The following TEX11 variants were observed in gnomAD, a reference collection of about 807,000 sequenced individuals.
TEX11 encodes the protein testis expressed 11.
Under a neutral mutation model 84.4 loss-of-function variants are expected in TEX11, and 7 were observed. That is an observed-to-expected ratio of 0.08 (90% confidence interval 0.05 to 0.16). TEX11 has a LOEUF of 0.16. Among genes scored for constraint, TEX11 ranks in the 10% least tolerant of loss-of-function variants. The pLI is 1.00. For missense variants in TEX11, 551 were observed against 660.5 expected (o/e 0.83, Z 1.82); for synonymous variants, 264 against 222.8 (o/e 1.18, Z -1.64).
chrX:70,772,769 A>G (rs775785396), intron 9 of TEX11, among the ~76,000 whole-genome samples: 2 of 110,821 alleles, frequency 1.8e-5, no homozygotes, highest in South Asian at 7.7e-4. Context: ...TATAAGCAAA[A>G]TAAGAAGAGG....
At chrX:70,818,250 C>A (rs1353082854) in intron 8 of TEX11, among the ~76,000 whole-genome samples, 2 of 109,305 alleles carry the variant, frequency 1.8e-5, no homozygotes, top group Non-Finnish European at 1.9e-5. Context: ...TGCAGTGAGC[C>A]GCTTTTGCAC....
At chrX:70,895,759 C>T (rs1171559084) in intron 2 of TEX11, among the ~76,000 whole-genome samples, 2 of 111,912 alleles carry the variant, frequency 1.8e-5, no homozygotes, top group African/African-American at 6.5e-5. Flanking sequence ...TTGACAAAAG[C>T]AAGCAATGGG....
chrX:70,785,313 AC>A (rs1367740925), intron 9 of TEX11, among the ~76,000 whole-genome samples: 1 of 112,220 alleles, frequency 8.9e-6, no homozygotes, highest in Admixed American at 9.5e-5. Context: ...TACAGCTTAT[AC>A]AAAAATTAAT....
At chrX:70,762,410 AG>A (rs985465017) in intron 9 of TEX11, among the ~76,000 whole-genome samples, 1 of 111,602 alleles carries the variant, frequency 9.0e-6, no homozygotes, top group Non-Finnish European at 1.9e-5. Context: ...GTTTAAAAGC[AG>A]GGGGTCGAAG....
chrX:70,532,737 G>A (rs2087904607), intron 28 of TEX11, among the ~76,000 whole-genome samples: 3 of 104,092 alleles, frequency 2.9e-5, no homozygotes, highest in South Asian at 4.4e-4. Context: ...TCCAAACTCC[G>A]TCTCAAAAAA....
intron 9 of TEX11, among the ~76,000 whole-genome samples, chrX:70,777,051 T>C (rs904791023): frequency 9.3e-6 from 1 of 107,881 alleles, no homozygotes; most frequent in East Asian, 2.9e-4. Context: ...ATTATTATTT[T>C]TTTTTTTGTA....
chrX:70,582,216 T>C (rs1569339716), intron 25 of TEX11, among the ~76,000 whole-genome samples: 2 of 111,917 alleles, frequency 1.8e-5, no homozygotes, highest in Non-Finnish European at 3.8e-5. Context: ...ACTATCTGCT[T>C]CTGCATTCAA....
At chrX:70,700,641 A>G (rs1045413445) in intron 13 of TEX11, among the ~76,000 whole-genome samples, 3 of 111,497 alleles carry the variant, frequency 2.7e-5, no homozygotes, top group Non-Finnish European at 5.6e-5. Flanking sequence ...TAAGTGTTCA[A>G]GTACAAGGAA....
intron 13 of TEX11, among the ~76,000 whole-genome samples, chrX:70,720,164 T>C (rs1199750298): frequency 1.8e-5 from 2 of 111,906 alleles, no homozygotes; most frequent in African/African-American, 6.5e-5. Context: ...ATGTGGCATA[T>C]ATACACCATG....
At chrX:70,827,939 G>A (rs1282504241) in intron 8 of TEX11, among the ~76,000 whole-genome samples, 9 of 111,657 alleles carry the variant, frequency 8.1e-5, no homozygotes, top group Non-Finnish European at 1.7e-4. Context: ...GACTCCATAT[G>A]TTTCAGAGAA....
At chrX:70,882,493 C>T (rs1352136877) in intron 2 of TEX11, among the ~76,000 whole-genome samples, 1 of 111,010 alleles carries the variant, frequency 9.0e-6, no homozygotes, top group Non-Finnish European at 1.9e-5. Context: ...TTAAAAAAAA[C>T]ATCCTGGCCA....
intron 16 of TEX11, 74 bp from the exon 17 acceptor site, chrX:70,651,626 A>G (rs888249288): frequency 1.3e-6 from 1 of 772,411 alleles, no homozygotes; most frequent in African/African-American, 2.1e-5. Flanking sequence ...TAATATCATT[A>G]AGGTAGTCAA....
chrX:70,813,750 G>A (rs2091271060), intron 8 of TEX11, among the ~76,000 whole-genome samples: 2 of 111,955 alleles, frequency 1.8e-5, no homozygotes, highest in Admixed American at 9.5e-5. Context: ...CTTCAGTAAA[G>A]TCTCAGGATA....
chrX:70,906,415 T>A (rs1450799330), intron 2 of TEX11, among the ~76,000 whole-genome samples: 3 of 109,375 alleles, frequency 2.7e-5, no homozygotes, highest in African/African-American at 9.9e-5. Context: ...CCCTATTCCA[T>A]CTTTATACCT....
chrX:70,598,929 G>A (rs1268058156), intron 24 of TEX11, among the ~76,000 whole-genome samples: 1 of 112,030 alleles, frequency 8.9e-6, no homozygotes, highest in Non-Finnish European at 1.9e-5. Flanking sequence ...AGTGGGTAAG[G>A]GGTTTCTTTT....
At chrX:70,814,880 TA>T (rs959170880) in intron 8 of TEX11, among the ~76,000 whole-genome samples, 1 of 112,425 alleles carries the variant, frequency 8.9e-6, no homozygotes, top group African/African-American at 3.2e-5. Context: ...CTACTCAAAA[TA>T]AAATTCTGAT....
intron 9 of TEX11, among the ~76,000 whole-genome samples, chrX:70,770,848 T>C (rs935968634): frequency 9.0e-6 from 1 of 111,390 alleles, no homozygotes; most frequent in Non-Finnish European, 1.9e-5. Flanking sequence ...ATAAGTTTTA[T>C]ACAGGCAGAA....
intron 13 of TEX11, among the ~76,000 whole-genome samples, chrX:70,713,950 C>G (rs1344348025): frequency 4.5e-5 from 5 of 111,850 alleles, no homozygotes; most frequent in Non-Finnish European, 9.4e-5. Flanking sequence ...TTTCCCTCTA[C>G]ACACTGCTTT....
chrX:70,819,436 T>C (rs2091306998), intron 8 of TEX11, among the ~76,000 whole-genome samples: 1 of 110,681 alleles, frequency 9.0e-6, no homozygotes, highest in Non-Finnish European at 1.9e-5. Flanking sequence ...GGAACATAAC[T>C]CAATACAAAG....
Sources: gnomAD v4.1 joint callset for allele counts (sites outside exome capture counted in the v4.1 genomes callset) on GRCh38, gnomAD v4.1.1 for gene constraint, MANE v1.5 for transcripts, NCBI Gene and HGNC (gene_info 2026-07-23, HGNC 2026-07-21) for gene names.